The following KCNIP4 variants were observed in gnomAD, a reference collection of about 807,000 sequenced individuals.
The protein encoded by KCNIP4 is Kv channel-interacting protein 4.
A neutral mutation model predicts 34.0 loss-of-function variants in KCNIP4; 12 were observed. The observed-to-expected ratio is 0.35, with a 90% confidence interval of 0.23 to 0.57. KCNIP4 has a LOEUF of 0.57. KCNIP4 is among the 20% of genes least tolerant of loss of function. The pLI, the probability that KCNIP4 is intolerant of heterozygous loss-of-function variation, is 0.83. For synonymous variants in KCNIP4, 124 were observed against 102.2 expected (o/e 1.21, Z -1.29); for missense variants, 238 against 311.7 (o/e 0.76, Z 1.78).
At chr4:20,737,955 G>T (rs1156718583) in intron 5 of KCNIP4, among the ~76,000 whole-genome samples, 2 of 152,028 alleles carry the variant, frequency 1.3e-5, no homozygotes, top group Non-Finnish European at 2.9e-5. Context: ...AACGCAGCCA[G>T]ATCCAAATTA....
chr4:21,606,889 G>A (rs1743731683), intron 1 of KCNIP4, among the ~76,000 whole-genome samples: 1 of 152,084 alleles, frequency 6.6e-6, no homozygotes, highest in African/African-American at 2.4e-5. Context: ...GCCATCAATG[G>A]TGAATTGAGT....
chr4:21,440,471 C>G (rs1450542000), intron 1 of KCNIP4, among the ~76,000 whole-genome samples: 1 of 152,144 alleles, frequency 6.6e-6, no homozygotes, highest in African/African-American at 2.4e-5. Flanking sequence ...ATTTTATTTG[C>G]CCTATTCTCT....
At chr4:21,778,707 C>G (rs545351731) in intron 1 of KCNIP4, among the ~76,000 whole-genome samples, 9 of 152,040 alleles carry the variant, frequency 5.9e-5, no homozygotes, top group African/African-American at 2.2e-4. Context: ...CAAATTAAGG[C>G]ATAATGTAAA....
chr4:20,998,824 G>A (rs1017590835), intron 1 of KCNIP4, among the ~76,000 whole-genome samples: 3 of 152,120 alleles, frequency 2.0e-5, no homozygotes, highest in African/African-American at 7.2e-5. Context: ...TTGCACAGTC[G>A]GTGCACTTAA....
intron 1 of KCNIP4, among the ~76,000 whole-genome samples, chr4:21,906,710 T>C (rs919821910): frequency 6.6e-6 from 1 of 152,190 alleles, no homozygotes. Flanking sequence ...ATGTATCTAC[T>C]GCCCAACATA....
chr4:20,769,035 AC>A (rs1392372216), intron 3 of KCNIP4, among the ~76,000 whole-genome samples: 1 of 150,436 alleles, frequency 6.6e-6, no homozygotes. Context: ...CTGCCCTCTA[AC>A]CATATGGAAG....
intron 1 of KCNIP4, among the ~76,000 whole-genome samples, chr4:21,833,631 A>C (rs1465762695): frequency 1.3e-5 from 2 of 152,020 alleles, no homozygotes; most frequent in East Asian, 3.9e-4. Flanking sequence ...TTTTGTTGCC[A>C]TTGCTTTTGG....
intron 1 of KCNIP4, among the ~76,000 whole-genome samples, chr4:21,824,201 TG>T (rs1223908551): frequency 6.6e-6 from 1 of 152,132 alleles, no homozygotes; most frequent in Non-Finnish European, 1.5e-5. Context: ...AAAATAATGT[TG>T]GGAGAAACTT....
intron 1 of KCNIP4, among the ~76,000 whole-genome samples, chr4:21,495,664 A>G (rs2109872439): frequency 6.6e-6 from 1 of 151,944 alleles, no homozygotes; most frequent in African/African-American, 2.4e-5. Flanking sequence ...TCCTTCCTGT[A>G]CAGACATGTT....
At chr4:21,647,310 C>T (rs1393591286) in intron 1 of KCNIP4, among the ~76,000 whole-genome samples, 1 of 152,014 alleles carries the variant, frequency 6.6e-6, no homozygotes, top group Admixed American at 6.6e-5. Flanking sequence ...AAACTGATTA[C>T]TACAATTTAT....
chr4:21,941,634 T>C (rs773270306), intron 1 of KCNIP4, among the ~76,000 whole-genome samples: 4 of 152,220 alleles, frequency 2.6e-5, no homozygotes, highest in Non-Finnish European at 4.4e-5. Context: ...TAAAATGTTT[T>C]GAGGACTCAT....
chr4:21,577,048 T>A (rs1485344449), intron 1 of KCNIP4, among the ~76,000 whole-genome samples: 1 of 152,174 alleles, frequency 6.6e-6, no homozygotes, highest in East Asian at 1.9e-4. Flanking sequence ...TATTCTTTTT[T>A]AGTTTAATAA....
chr4:21,116,693 G>A (rs576319294), intron 1 of KCNIP4, among the ~76,000 whole-genome samples: 1 of 152,192 alleles, frequency 6.6e-6, no homozygotes, highest in East Asian at 1.9e-4. Context: ...AACTTTCAGA[G>A]TAGACTACCA....
At chr4:21,343,458 T>C (rs1716960860) in intron 1 of KCNIP4, among the ~76,000 whole-genome samples, 1 of 152,152 alleles carries the variant, frequency 6.6e-6, no homozygotes, top group Non-Finnish European at 1.5e-5. Flanking sequence ...TAGGGAGTTA[T>C]ACATCCCCAT....
chr4:21,641,605 G>C (rs1230680306), intron 1 of KCNIP4, among the ~76,000 whole-genome samples: 1 of 152,104 alleles, frequency 6.6e-6, no homozygotes. Flanking sequence ...TCTCTGAATG[G>C]GTGAAAATCA....
chr4:21,755,127 A>G (rs1489721582), intron 1 of KCNIP4, among the ~76,000 whole-genome samples: 5 of 152,212 alleles, frequency 3.3e-5, no homozygotes, highest in African/African-American at 9.6e-5. Flanking sequence ...AGACAGAGCA[A>G]GACACCGTCT....
intron 1 of KCNIP4, among the ~76,000 whole-genome samples, chr4:21,023,877 G>C (rs1244229920): frequency 6.6e-6 from 1 of 151,926 alleles, no homozygotes; most frequent in Non-Finnish European, 1.5e-5. Context: ...GTGAGACTCT[G>C]TCTGAAAAAA....
chr4:20,785,217 G>A (rs1711800899), intron 3 of KCNIP4, among the ~76,000 whole-genome samples: 1 of 152,094 alleles, frequency 6.6e-6, no homozygotes, highest in Non-Finnish European at 1.5e-5. Context: ...CAGTCTATGA[G>A]GCTGGACTGG....
At chr4:21,669,595 G>T (rs1047264507) in intron 1 of KCNIP4, among the ~76,000 whole-genome samples, 3 of 151,652 alleles carry the variant, frequency 2.0e-5, no homozygotes, top group Non-Finnish European at 2.9e-5. Flanking sequence ...TGCTGAGATG[G>T]GCACTCCTAA....
Sources: gnomAD v4.1 joint callset for allele counts (sites outside exome capture counted in the v4.1 genomes callset) on GRCh38, gnomAD v4.1.1 for gene constraint, MANE v1.5 for transcripts, NCBI Gene and HGNC (gene_info 2026-07-23, HGNC 2026-07-21) for gene names.